The following SRGAP3 variants were observed in gnomAD, a reference collection of about 807,000 sequenced individuals.
The protein encoded by SRGAP3 is SLIT-ROBO Rho GTPase-activating protein 3.
A neutral mutation model predicts 121.1 loss-of-function variants in SRGAP3; 39 were observed. That is an observed-to-expected ratio of 0.32 (90% confidence interval 0.25 to 0.42). The LOEUF (loss-of-function observed/expected upper bound fraction) is 0.42, where lower values mean the gene tolerates loss of function less well. Among genes scored for constraint, SRGAP3 ranks in the 10% least tolerant of loss-of-function variants. SRGAP3 has a pLI of 1.00. For missense variants in SRGAP3, 1,213 were observed against 1,470.6 expected (o/e 0.82, Z 2.86); for synonymous variants, 601 against 570.0 (o/e 1.05, Z -0.77).
intron 9 of SRGAP3, chr3:9,049,441 C>T (rs1434003409): frequency 2.2e-6 from 1 of 455,942 alleles, no homozygotes; most frequent in Admixed American, 2.4e-5. Flanking sequence ...TCTTGGATGG[C>T]AAATGGGGAA....
chr3:9,173,990 C>G (rs563088810), intron 1 of SRGAP3, among the ~76,000 whole-genome samples: 1 of 150,506 alleles, frequency 6.6e-6, no homozygotes, highest in East Asian at 1.9e-4. Context: ...ATGTGTCCAT[C>G]GACGGATGGA....
chr3:9,123,644 G>C (rs1361041255), intron 2 of SRGAP3, among the ~76,000 whole-genome samples: 2 of 151,824 alleles, frequency 1.3e-5, no homozygotes, highest in South Asian at 4.2e-4. Flanking sequence ...GTTGGAGATT[G>C]CAGTGAGCTG....
At chr3:9,129,324 C>T (rs1949354089) in intron 1 of SRGAP3, among the ~76,000 whole-genome samples, 1 of 149,750 alleles carries the variant, frequency 6.7e-6, no homozygotes, top group African/African-American at 2.5e-5. Context: ...AAAATTATAT[C>T]CTTTGTAACT....
chr3:9,209,619 C>T (rs371526237), intron 1 of SRGAP3, among the ~76,000 whole-genome samples: 2 of 152,202 alleles, frequency 1.3e-5, no homozygotes, highest in East Asian at 3.9e-4. Context: ...AGAACCTTCC[C>T]TTCTAAATAC....
intron 3 of SRGAP3, among the ~76,000 whole-genome samples, chr3:9,278,179 G>T (rs201706854): frequency 1.3e-5 from 2 of 152,194 alleles, no homozygotes. Context: ...GCCAGTAAGT[G>T]GGGGAAGCAA....
chr3:9,195,717 A>T (rs1298156940), intron 1 of SRGAP3, among the ~76,000 whole-genome samples: 2 of 152,162 alleles, frequency 1.3e-5, no homozygotes, highest in Admixed American at 1.3e-4. Context: ...GCACGTTGGA[A>T]GGTCAAGGTG....
At chr3:9,171,052 A>G (rs1009426194) in intron 1 of SRGAP3, among the ~76,000 whole-genome samples, 15 of 152,208 alleles carry the variant, frequency 9.9e-5, no homozygotes, top group African/African-American at 3.1e-4. Context: ...CCTGCTATAG[A>G]TGGCCTGACC....
intron 3 of SRGAP3, among the ~76,000 whole-genome samples, chr3:9,290,571 T>C (rs1455862272): frequency 6.6e-6 from 1 of 152,210 alleles, no homozygotes; most frequent in African/African-American, 2.4e-5. Context: ...TTTATATTAT[T>C]GTTTCCTTTC....
At chr3:9,336,043 C>G (rs1335109086) in intron 1 of SRGAP3, among the ~76,000 whole-genome samples, 2 of 150,270 alleles carry the variant, frequency 1.3e-5, no homozygotes, top group African/African-American at 2.4e-5. Flanking sequence ...AGGAAATAAA[C>G]TCACTTTTTT....
At chr3:9,136,429 C>T (rs1008339493) in intron 1 of SRGAP3, among the ~76,000 whole-genome samples, 3 of 151,702 alleles carry the variant, frequency 2.0e-5, no homozygotes, top group African/African-American at 7.3e-5. Context: ...CCCCGCCCCG[C>T]GCGCCACGTG....
At chr3:9,354,235 G>A (rs367993780) in intron 1 of SRGAP3, among the ~76,000 whole-genome samples, 3 of 152,102 alleles carry the variant, frequency 2.0e-5, no homozygotes, top group Admixed American at 6.6e-5. Context: ...CACTACAAAC[G>A]TGTCTTTTAG....
chr3:9,248,177 G>A (rs930851330), intron 1 of SRGAP3, among the ~76,000 whole-genome samples: 1 of 152,270 alleles, frequency 6.6e-6, no homozygotes, highest in Non-Finnish European at 1.5e-5. Context: ...ATGCCGAGGT[G>A]TTGGCTTTGA....
intron 1 of SRGAP3, among the ~76,000 whole-genome samples, chr3:9,204,829 C>A (rs368209116): frequency 3.3e-5 from 5 of 152,234 alleles, no homozygotes; most frequent in African/African-American, 1.2e-4. Context: ...CTGGGGAGCA[C>A]GGAGCTAAAT....
In SRGAP3 at chr3:9,162,447, A is replaced by C. The variant is rs1950630105; in HGVS notation, c.68-37530T>G. ...AAGAATCCTCCTCCCTGAGGAGTAC[A>C]TGGGCGATTTCAATCCTAATATTTG... On this transcript the variant is annotated intron_variant, in intron 1 of 21. Transcript: ENST00000383836. Among the ~76,000 whole-genome samples the C allele has an allele frequency of 2.0e-5, 3 of 152,062 alleles. No homozygotes were observed. The South Asian group carries it at 6.2e-4, about 32-fold the overall frequency.
intron 3 of SRGAP3, among the ~76,000 whole-genome samples, chr3:9,268,141 G>A (rs137960222): frequency 6.6e-6 from 1 of 152,254 alleles, no homozygotes; most frequent in Non-Finnish European, 1.5e-5. Flanking sequence ...GGACAGAGCT[G>A]TGTCCTCCCC....
At chr3:9,029,431 G>T (rs1944370643) in intron 12 of SRGAP3, among the ~76,000 whole-genome samples, 2 of 152,098 alleles carry the variant, frequency 1.3e-5, no homozygotes, top group Admixed American at 1.3e-4. Flanking sequence ...ATTTTGAAAG[G>T]GGTTTGTTTA....
chr3:9,234,502 A>G (rs904532476), intron 1 of SRGAP3, among the ~76,000 whole-genome samples: 11 of 152,116 alleles, frequency 7.2e-5, no homozygotes, highest in Non-Finnish European at 1.5e-4. Context: ...GAGTCTTCTC[A>G]TGTCATTTCT....
intron 8 of SRGAP3, among the ~76,000 whole-genome samples, chr3:9,053,430 G>C (rs1945676908): frequency 1.3e-5 from 2 of 152,210 alleles, no homozygotes; most frequent in Admixed American, 1.3e-4. Flanking sequence ...GGGATGAAAA[G>C]CCAGGTTGCC....
intron 1 of SRGAP3, among the ~76,000 whole-genome samples, chr3:9,182,581 T>A (rs572435700): frequency 4.8e-4 from 73 of 152,280 alleles, no homozygotes; most frequent in African/African-American, 1.7e-3. Context: ...AGCCACCCAG[T>A]TTTTGATGCT....
Sources: allele counts gnomAD v4.1 joint callset (sites outside exome capture counted in the v4.1 genomes callset), GRCh38; gene constraint gnomAD v4.1.1; transcripts MANE v1.5; gene names NCBI Gene and HGNC (gene_info 2026-07-23, HGNC 2026-07-21).